PCDHGA1: variants seen among roughly 807,000 people sequenced by gnomAD.
PCDHGA1 encodes protocadherin gamma subfamily A, 1, also known as protocadherin gamma-A1.
A neutral mutation model predicts 58.0 loss-of-function variants in PCDHGA1; 32 were observed. That is an observed-to-expected ratio of 0.55 (90% CI 0.42 to 0.74). PCDHGA1 has a LOEUF of 0.74. Among genes scored for constraint, PCDHGA1 ranks in the 30% least tolerant of loss-of-function variants. The probability of loss-of-function intolerance (pLI) is 0.00; values close to 1 mark genes in which losing one functional copy is unlikely to be tolerated. For missense variants in PCDHGA1, 1,205 were observed against 1,182.3 expected (o/e 1.02, Z -0.28); for synonymous variants, 498 against 501.1 (o/e 0.99, Z 0.08).
intron 1 of PCDHGA1, chr5:141,370,795 G>A: frequency 6.2e-7 from 1 of 1,613,996 alleles, no homozygotes; most frequent in Middle Eastern, 1.6e-4. Flanking sequence ...CCGACCTTTA[G>A]CCAAAATATC....
At chr5:141,395,216 G>T in intron 1 of PCDHGA1, 1 of 1,612,150 alleles carries the variant, frequency 6.2e-7, no homozygotes, top group Non-Finnish European at 8.5e-7. Context: ...ATGAATATAA[G>T]AATGAAGCTG....
chr5:141,447,023 G>GTTT, intron 1 of PCDHGA1, among the ~76,000 whole-genome samples: 1 of 151,542 alleles, frequency 6.6e-6, no homozygotes, highest in African/African-American at 2.4e-5. Context: ...GTTTTGTTTT[G>GTTT]TTTTTTTTCT....
At chr5:141,385,101 C>T (rs1373310406) in intron 1 of PCDHGA1, 1 of 1,614,078 alleles carries the variant, frequency 6.2e-7, no homozygotes, top group Admixed American at 1.7e-5. Flanking sequence ...GCTTGGCGAA[C>T]GTGCCCACCT....
chr5:141,374,615 T>G lies in PCDHGA1; in HGVS notation c.2421+41510T>G, dbSNP rs777034606. ...ATTTAAGCTCAGTGGTAATAGTCACTTCTCAGTGGACGTGCAAAGCGAAGC... is the reference window on the plus strand; with the variant it reads ...ATTTAAGCTCAGTGGTAATAGTCACGTCTCAGTGGACGTGCAAAGCGAAGC... On this transcript the variant is annotated intron_variant, in intron 1 of 3. Coordinates refer to ENST00000517417, the MANE Select transcript of PCDHGA1 (RefSeq NM_018912.3). 108 of 1,613,570 alleles carry G rather than the reference T, an allele frequency of 6.7e-5. 1 individual carries two copies. In the East Asian group the frequency reaches 2.4e-3, roughly 35 times the overall value.
At chr5:141,410,049 T>A in intron 1 of PCDHGA1, 1 of 1,613,184 alleles carries the variant, frequency 6.2e-7, no homozygotes, top group Admixed American at 1.7e-5. Flanking sequence ...GAGCCCGGAC[T>A]CTTCAGCCTG....
Position 141,332,153 on chromosome 5 carries a change from C to G in PCDHGA1, c.1469C>G (p.Ser490Cys). Residue 490 changes from serine (S) to cysteine (C), a missense_variant, in exon 1 of 4, where the codon TCC becomes TGC. Coordinates refer to ENST00000517417, the MANE Select transcript of PCDHGA1 (RefSeq NM_018912.3). The surrounding 1 kb of genome is among the most constrained non-coding windows in gnomAD (Gnocchi z 4.6). ...DSNENAQITY[S>C]LIEDTIQGAP... is the part of the protein sequence containing the mutation. ...AATGAGAATGCACAAATCACTTACT[C>G]CCTAATAGAGGACACTATCCAGGGG... 6.2e-7 allele frequency: 1 copy of G among 1,614,174 alleles called. No individual in the cohort carries two copies. Among genetic ancestry groups the G allele is most frequent in the African/African-American group, 1.3e-5 (1 of 75,038 alleles).
rs146860480 is a variant in PCDHGA1 at position 141,474,581 on chromosome 5, T to G, written c.2422-20226T>G. ...GGTTTTCAGAGATTAATTGAAGTGTTAAAGACATGGAAATATAGGTCACAT... is the reference window on the plus strand; with the variant it reads ...GGTTTTCAGAGATTAATTGAAGTGTGAAAGACATGGAAATATAGGTCACAT... On this transcript the variant is annotated intron_variant, in intron 1 of 3. Transcript: ENST00000517417. Among the ~76,000 whole-genome samples the G allele has an allele frequency of 7.1e-4, 108 of 152,358 alleles. No homozygotes were observed. The East Asian group carries it at 0.015, about 21-fold the overall frequency.
intron 1 of PCDHGA1, chr5:141,372,273 C>A (rs201775561): frequency 5.4e-4 from 865 of 1,613,108 alleles, no homozygotes; most frequent in Non-Finnish European, 6.7e-4. Flanking sequence ...GGGTGAGGTG[C>A]GCACGGCGCG....
chr5:141,346,620 C>A, intron 1 of PCDHGA1: 1 of 1,055,852 alleles, frequency 9.5e-7, no homozygotes, highest in Non-Finnish European at 1.4e-6. Context: ...TAGGACTGCA[C>A]TCCCCGGTCT....
chr5:141,351,171 A>AT, intron 1 of PCDHGA1: 1 of 1,614,038 alleles, frequency 6.2e-7, no homozygotes, highest in Non-Finnish European at 8.5e-7. Context: ...GGCACATTGG[A>AT]TTTTGAAGAG....
chr5:141,499,418 A>G (rs143234735), intron 2 of PCDHGA1, among the ~76,000 whole-genome samples: 1 of 152,296 alleles, frequency 6.6e-6, no homozygotes, highest in East Asian at 1.9e-4. Context: ...GAAACATGAA[A>G]AATAGAAAAA....
chr5:141,392,704 G>A, intron 1 of PCDHGA1: 1 of 1,281,856 alleles, frequency 7.8e-7, no homozygotes, highest in East Asian at 2.6e-5. Flanking sequence ...CCTGTTTGGA[G>A]GCACTCCAGG....
chr5:141,409,023 A>G, intron 1 of PCDHGA1: 4 of 1,614,044 alleles, frequency 2.5e-6, no homozygotes, highest in Non-Finnish European at 3.4e-6. Flanking sequence ...GAGGGGGTCA[A>G]TGCTGAGATA....
chr5:141,356,928 G>A, intron 1 of PCDHGA1: 1 of 1,614,206 alleles, frequency 6.2e-7, no homozygotes, highest in Non-Finnish European at 8.5e-7. Flanking sequence ...CTGGTGTGGA[G>A]CTGGCACCCC....
At chr5:141,387,473 G>C (rs1032850562) in intron 1 of PCDHGA1, among the ~76,000 whole-genome samples, 2 of 152,190 alleles carry the variant, frequency 1.3e-5, no homozygotes. Context: ...CCTCAAAGTT[G>C]GGATGAAGGC....
intron 1 of PCDHGA1, chr5:141,419,534 G>C: frequency 6.2e-7 from 1 of 1,612,078 alleles, no homozygotes; most frequent in African/African-American, 1.3e-5. Context: ...TAACGACAAC[G>C]CACCGCGGGT....
intron 1 of PCDHGA1, chr5:141,426,795 C>G (rs1214340018): frequency 2.2e-6 from 1 of 456,700 alleles, no homozygotes. Context: ...GAGTTACCAG[C>G]TCAGTTCTAA....
chr5:141,361,940 C>T (rs1561525180), intron 1 of PCDHGA1: 2 of 1,605,414 alleles, frequency 1.2e-6, no homozygotes, highest in Non-Finnish European at 1.7e-6. Context: ...GGACACAACG[C>T]TTGGCTGTCC....
At chr5:141,509,823 TTCTC>T (rs2099878456) in intron 3 of PCDHGA1, among the ~76,000 whole-genome samples, 1 of 152,170 alleles carries the variant, frequency 6.6e-6, no homozygotes, top group Non-Finnish European at 1.5e-5. Flanking sequence ...CTTCTCCATC[TTCTC>T]TCTACCTCCC....
Sources: gnomAD v4.1 joint callset for allele counts (sites outside exome capture counted in the v4.1 genomes callset) on GRCh38, gnomAD v4.1.1 for gene constraint, Gnocchi (gnomAD v3.1) non-coding constraint, MANE v1.5 for transcripts, NCBI Gene and HGNC (gene_info 2026-07-23, HGNC 2026-07-21) for gene names.